The following PALD1 variants were observed in gnomAD, a reference collection of about 807,000 sequenced individuals.
The protein encoded by PALD1 is phosphatase domain containing paladin 1, also known as paladin.
In PALD1, 57 loss-of-function variants were observed where a neutral mutation model predicts 96.0. The ratio of observed to expected loss-of-function variants is 0.59; its 90% CI spans 0.48 to 0.74. The LOEUF is 0.74. PALD1 is among the 30% of genes least tolerant of loss of function. PALD1 has a pLI of 0.00. For missense variants in PALD1, 1,063 were observed against 1,143.7 expected, an observed-to-expected ratio of 0.93 and a Z score of 1.02; for synonymous variants, 464 against 473.6, an observed-to-expected ratio of 0.98 and a Z score of 0.26.
At position 70,547,582 on chromosome 10, in the gene PALD1, C is replaced by T. The variant is rs563940531; in HGVS notation, c.2262+136C>T. 12 of 614,368 alleles carry T rather than the reference C, an allele frequency of 2.0e-5. No individual in the cohort carries two copies. The East Asian group carries it at 2.8e-4, about 14-fold the overall frequency. The allele number at this position is 614,368 out of a possible 1,614,324, so 38.1% of individuals were successfully genotyped here. A position where few individuals can be genotyped will look rare whatever the true frequency, so the allele number is the denominator to read the frequency against. On this transcript the variant is annotated intron_variant, in intron 18 of 19. Transcript: ENST00000263563. ...TCCTTGGCTCGTGGTCACTTTTCCACCTTCTGGAAGTGGAAGTGATCCATG... is the reference window on the plus strand; with the variant it reads ...TCCTTGGCTCGTGGTCACTTTTCCATCTTCTGGAAGTGGAAGTGATCCATG...
intron 18 of PALD1, among the ~76,000 whole-genome samples, chr10:70,547,960 G>C (rs1024151621): frequency 1.2e-4 from 18 of 152,234 alleles, no homozygotes; most frequent in South Asian, 2.1e-4. Context: ...GCTCCCAGAT[G>C]GGGTGTTTTT....
At chr10:70,541,720 G>C (rs1847252285) in intron 17 of PALD1, among the ~76,000 whole-genome samples, 186 bp downstream of exon 17, 1 of 152,228 alleles carries the variant, frequency 6.6e-6, no homozygotes, top group Admixed American at 6.5e-5. Context: ...GCTTGGCTCT[G>C]AGGCCCTGGC....
intron 18 of PALD1, among the ~76,000 whole-genome samples, chr10:70,557,722 C>T (rs891469808): frequency 2.0e-5 from 3 of 152,228 alleles, no homozygotes; most frequent in African/African-American, 7.2e-5. Flanking sequence ...GGAACCTGCC[C>T]TTCAGCCACT....
At chr10:70,529,207 T>TTGGGGG in intron 2 of PALD1, 22 bp from the exon 3 acceptor site, 2 of 391,776 alleles carry the variant, frequency 5.1e-6, no homozygotes, top group Non-Finnish European at 9.2e-6. Flanking sequence ...GTTTCCATTC[T>TTGGGGG]GCCCCCCCCC....
chr10:70,507,750 C>CGTGTGTGTGTGT lies in PALD1; in HGVS notation c.-29-18143_-29-18132dup, dbSNP rs10579511. On this transcript the variant is annotated intron_variant, in intron 1 of 19. Coordinates refer to ENST00000263563, the MANE Select transcript of PALD1 (RefSeq NM_014431.3). ...GTTACATTTGTATGTTTTGTGTGTG[C>CGTGTGTGTGTGT]GTGTGTGTGTGTGTGTGTGTGTGTG... Among the ~76,000 whole-genome samples, 234 of 148,740 alleles carry CGTGTGTGTGTGT rather than the reference C, an allele frequency of 1.6e-3. 1 individual carries two copies. The highest frequency in any genetic ancestry group is 4.9e-3 in the African/African-American group (198 of 40,202).
At chr10:70,543,091 A>G (rs1204822735) in intron 17 of PALD1, among the ~76,000 whole-genome samples, 2 of 131,858 alleles carry the variant, frequency 1.5e-5, no homozygotes, top group Non-Finnish European at 3.2e-5. Context: ...GATAATAGCC[A>G]TCCTGCTGGG....
At chr10:70,484,368 A>G (rs1341585166) in intron 1 of PALD1, among the ~76,000 whole-genome samples, 1 of 152,210 alleles carries the variant, frequency 6.6e-6, no homozygotes, top group African/African-American at 2.4e-5. Flanking sequence ...ATCACGTCTA[A>G]TATTTGATAC....
intron 10 of PALD1, among the ~76,000 whole-genome samples, chr10:70,535,540 TTCCTCC>T (rs1344163321): frequency 7.3e-6 from 1 of 137,508 alleles, no homozygotes; most frequent in Non-Finnish European, 1.6e-5. Context: ...CTCCTCTTCT[TTCCTCC>T]TCCTCCTTCC....
At chr10:70,519,187 CCCACCTCAGCCT>C (rs1415912325) in intron 1 of PALD1, among the ~76,000 whole-genome samples, 2 of 152,194 alleles carry the variant, frequency 1.3e-5, no homozygotes, top group African/African-American at 4.8e-5. Context: ...AAGCAGTCTG[CCCACCTCAGCCT>C]CCCAAAGTAG....
upstream of PALD1, among the ~76,000 whole-genome samples, chr10:70,476,657 T>C (rs1486622567): frequency 6.6e-6 from 1 of 152,170 alleles, no homozygotes; most frequent in Admixed American, 6.5e-5. Flanking sequence ...GACTGCAGGC[T>C]GTCCTGAGAA....
rs1044796557 is a variant in PALD1, at chr10:70,540,583, C to T, written c.1909-519C>T. On this transcript the variant is annotated intron_variant, in intron 15 of 19. Transcript: ENST00000263563. This position sits in a 1 kb window ranked among gnomAD's most constrained non-coding sequence, Gnocchi z 4.2. Reference sequence around the variant, plus strand: ...AGGTGGGTCGCTGTGTGCTGTGTAACTGGCAATGGGGTCTGTTACCCTGCC... The same window carrying T: ...AGGTGGGTCGCTGTGTGCTGTGTAATTGGCAATGGGGTCTGTTACCCTGCC... 6.6e-6 allele frequency among the ~76,000 whole-genome samples: 1 copy of T among 152,074 alleles called. No individual in the cohort carries two copies. The highest frequency in any genetic ancestry group is 1.5e-5 in the Non-Finnish European group (1 of 67,990).
chr10:70,565,991 A>G (rs1847841878), intron 19 of PALD1, among the ~76,000 whole-genome samples: 1 of 152,150 alleles, frequency 6.6e-6, no homozygotes, highest in Non-Finnish European at 1.5e-5. Context: ...TCTCCTGCGG[A>G]TGAGTGGAGG....
At chr10:70,500,601 G>A (rs940520045) in intron 1 of PALD1, among the ~76,000 whole-genome samples, 2 of 151,960 alleles carry the variant, frequency 1.3e-5, no homozygotes, top group African/African-American at 2.4e-5. Context: ...TTCCTTTTTC[G>A]GGAAGCCTTC....
intron 2 of PALD1, among the ~76,000 whole-genome samples, chr10:70,527,406 T>C (rs530603369): frequency 2.6e-5 from 4 of 152,298 alleles, no homozygotes; most frequent in Non-Finnish European, 4.4e-5. Flanking sequence ...GATCATCCAA[T>C]AGAGGGGTCA....
chr10:70,511,547 G>A (rs1846517012), intron 1 of PALD1, among the ~76,000 whole-genome samples: 1 of 152,204 alleles, frequency 6.6e-6, no homozygotes, highest in East Asian at 1.9e-4. Context: ...ATCATGGACT[G>A]GGTAATTTAT....
the PALD1 span, among the ~76,000 whole-genome samples, chr10:70,458,579 G>A: frequency 6.6e-6 from 1 of 152,196 alleles, no homozygotes; most frequent in African/African-American, 2.4e-5. Flanking sequence ...GAGTGTTCCC[G>A]CCGGGCGGGT....
At chr10:70,471,117 C>T in the PALD1 span, among the ~76,000 whole-genome samples, 68 of 152,166 alleles carry the variant, frequency 4.5e-4, no homozygotes, top group African/African-American at 1.4e-3. Context: ...CCACCGTGTC[C>T]GGCCTGAATT....
At position 70,534,754 on chromosome 10, in the gene PALD1, A is replaced by G. The variant is rs1370720323; in HGVS notation, c.1138A>G (p.Thr380Ala). The G allele has an allele frequency of 1.9e-6, 3 of 1,609,032 alleles. No individual in the cohort carries two copies. Among genetic ancestry groups the G allele is most frequent in the Admixed American group, 1.7e-5 (1 of 59,594 alleles). Residue 380 changes from threonine (T) to alanine (A), a missense_variant, in exon 10 of 20, where the codon ACT (threonine) becomes GCT (alanine). Coordinates refer to ENST00000263563, the MANE Select transcript of PALD1 (RefSeq NM_014431.3). The stretch of plus-strand genomic sequence containing the variant: ...CTGGCACCAGGTGGACAGAGCCATC[A>G]CTGCCTGTGCCGAGTTGCATGACCT... Reference protein sequence around the residue: ...RMVEEVDRAITACAELHDLKE... With the variant: ...RMVEEVDRAIAACAELHDLKE...
chr10:70,511,824 C>T (rs542025752), intron 1 of PALD1, among the ~76,000 whole-genome samples: 4 of 152,272 alleles, frequency 2.6e-5, no homozygotes, highest in South Asian at 2.1e-4. Flanking sequence ...GTCAGGAGTT[C>T]GAGACCAGCC....
Sources: gnomAD v4.1 joint callset for allele counts (sites outside exome capture counted in the v4.1 genomes callset) on GRCh38, gnomAD v4.1.1 for gene constraint, Gnocchi (gnomAD v3.1) non-coding constraint, MANE v1.5 for transcripts, NCBI Gene and HGNC (gene_info 2026-07-23, HGNC 2026-07-21) for gene names.